The following CNTN1 variants were observed in gnomAD, a reference collection of about 807,000 sequenced individuals.
The protein encoded by CNTN1 is contactin 1.
Under a neutral mutation model 126.4 loss-of-function variants are expected in CNTN1, and 38 were observed. The ratio of observed to expected loss-of-function variants is 0.30; its 90% CI spans 0.23 to 0.39. The LOEUF is 0.39. Among genes scored for constraint, CNTN1 ranks in the 10% least tolerant of loss-of-function variants. The pLI, the probability that CNTN1 is intolerant of heterozygous loss-of-function variation, is 1.00. For missense variants in CNTN1, 1,009 were observed against 1,248.4 expected (o/e 0.81, Z 2.89); for synonymous variants, 413 against 422.6 (o/e 0.98, Z 0.28).
intron 14 of CNTN1, among the ~76,000 whole-genome samples, chr12:40,956,175 G>A (rs1946872457): frequency 6.6e-6 from 1 of 152,066 alleles, no homozygotes; most frequent in Non-Finnish European, 1.5e-5. Flanking sequence ...AATTTGACAA[G>A]TTCATTCAAA....
chr12:40,715,209 G>C (rs1942020296), intron 1 of CNTN1, among the ~76,000 whole-genome samples: 1 of 152,142 alleles, frequency 6.6e-6, no homozygotes, highest in African/African-American at 2.4e-5. Context: ...CTGGAGTGGG[G>C]CCTGATAATT....
chr12:40,805,028 A>G (rs1214587135), intron 1 of CNTN1, among the ~76,000 whole-genome samples: 1 of 151,982 alleles, frequency 6.6e-6, no homozygotes, highest in African/African-American at 2.4e-5. Context: ...TGACTTTTTA[A>G]TGTTTGTTCC....
intron 1 of CNTN1, among the ~76,000 whole-genome samples, chr12:40,787,356 G>A (rs1028283201): frequency 1.3e-5 from 2 of 152,080 alleles, no homozygotes; most frequent in Admixed American, 6.6e-5. Flanking sequence ...GCACTTTTGG[G>A]CACACGGGGA....
chr12:40,705,894 T>G (rs1374234640), intron 1 of CNTN1, among the ~76,000 whole-genome samples: 1 of 151,850 alleles, frequency 6.6e-6, no homozygotes, highest in African/African-American at 2.4e-5. Flanking sequence ...GGGGAGGTGC[T>G]GCATGCTTTA....
chr12:41,044,493 T>C (rs923710679), intron 23 of CNTN1, among the ~76,000 whole-genome samples: 1 of 152,146 alleles, frequency 6.6e-6, no homozygotes, highest in Non-Finnish European at 1.5e-5. Flanking sequence ...ATTAATGACA[T>C]AAAAATTGTA....
intron 1 of CNTN1, among the ~76,000 whole-genome samples, chr12:40,768,020 C>T (rs894259869): frequency 3.4e-5 from 5 of 147,892 alleles, no homozygotes; most frequent in African/African-American, 1.2e-4. Context: ...ACTTCTAAAG[C>T]TTATACATTT....
intron 1 of CNTN1, among the ~76,000 whole-genome samples, chr12:40,778,015 T>C (rs1457904856): frequency 6.6e-6 from 1 of 151,862 alleles, no homozygotes; most frequent in Non-Finnish European, 1.5e-5. Flanking sequence ...ATGAAAACAC[T>C]GTTGGTTTTA....
chr12:40,904,562 G>T (rs571622630), intron 1 of CNTN1, among the ~76,000 whole-genome samples: 2 of 152,106 alleles, frequency 1.3e-5, no homozygotes, highest in African/African-American at 4.8e-5. Flanking sequence ...CCAAGTAGCT[G>T]GGATTACAGG....
intron 1 of CNTN1, among the ~76,000 whole-genome samples, chr12:40,794,536 C>T (rs4406896): frequency 0.27 from 40,225 of 151,464 alleles, 5,541 homozygotes; most frequent in East Asian, 0.42. Flanking sequence ...GATATTTTAC[C>T]TAAATGATAT....
chr12:40,987,288 C>T (rs1333501547), intron 16 of CNTN1, among the ~76,000 whole-genome samples: 2 of 152,156 alleles, frequency 1.3e-5, no homozygotes, highest in Admixed American at 1.3e-4. Flanking sequence ...TTTCAGTGTT[C>T]CAAAGATTAA....
In CNTN1 at chr12:41,030,776, G is replaced by A. The variant is rs79936536; in HGVS notation, c.2980+1557G>A. Reference sequence around the variant, plus strand: ...TAATTTCTATTCCTATTATCATTGAGTATAAGTGCTTTTCTCACTGTACCA... The same window carrying A: ...TAATTTCTATTCCTATTATCATTGAATATAAGTGCTTTTCTCACTGTACCA... On this transcript the variant is annotated intron_variant, in intron 23 of 23. Transcript: ENST00000551295. 4.0e-3 allele frequency among the ~76,000 whole-genome samples: 611 copies of A among 152,128 alleles called. 7 individuals are homozygous for A. The highest frequency in any genetic ancestry group is 0.014 in the African/African-American group (578 of 41,520).
chr12:40,753,984 T>C (rs143977322), intron 1 of CNTN1, among the ~76,000 whole-genome samples: 1 of 152,168 alleles, frequency 6.6e-6, no homozygotes, highest in African/African-American at 2.4e-5. Context: ...GTTATGAAAA[T>C]CAAATTTTTT....
chr12:40,830,113 G>T (rs757506256), intron 1 of CNTN1, among the ~76,000 whole-genome samples: 5 of 152,054 alleles, frequency 3.3e-5, no homozygotes, highest in Non-Finnish European at 7.4e-5. Context: ...AAACCTCTCT[G>T]TCTTCTTTCT....
At chr12:40,767,167 T>C (rs1410126898) in intron 1 of CNTN1, among the ~76,000 whole-genome samples, 1 of 152,078 alleles carries the variant, frequency 6.6e-6, no homozygotes, top group African/African-American at 2.4e-5. Context: ...AAATTTCAAA[T>C]TTCCAATTTA....
At chr12:41,009,976 G>A (rs948320225) in intron 17 of CNTN1, among the ~76,000 whole-genome samples, 1 of 152,126 alleles carries the variant, frequency 6.6e-6, no homozygotes, top group Non-Finnish European at 1.5e-5. Flanking sequence ...GATTAAAAAA[G>A]CATGTGTCAA....
At chr12:40,958,824 C>G (rs1946994016) in intron 14 of CNTN1, among the ~76,000 whole-genome samples, 1 of 151,984 alleles carries the variant, frequency 6.6e-6, no homozygotes, top group African/African-American at 2.4e-5. Flanking sequence ...TAAGAGATAT[C>G]AATGAAATAG....
chr12:40,809,823 C>T (rs1439386144), intron 1 of CNTN1, among the ~76,000 whole-genome samples: 3 of 142,568 alleles, frequency 2.1e-5, no homozygotes, highest in African/African-American at 7.6e-5. Flanking sequence ...CTCACACACA[C>T]ACACACACAC....
intron 23 of CNTN1, among the ~76,000 whole-genome samples, chr12:41,039,353 G>A (rs576704174): frequency 4.7e-4 from 71 of 152,228 alleles, no homozygotes; most frequent in African/African-American, 1.6e-3. Context: ...TTATATTAAG[G>A]ATTTATATGG....
chr12:40,969,432 T>C (rs1947420752), intron 15 of CNTN1, among the ~76,000 whole-genome samples: 1 of 152,074 alleles, frequency 6.6e-6, no homozygotes, highest in African/African-American at 2.4e-5. Context: ...GAGAAAGAAA[T>C]GTTTAAGTAT....
Sources: gnomAD v4.1 joint callset for allele counts (sites outside exome capture counted in the v4.1 genomes callset) on GRCh38, gnomAD v4.1.1 for gene constraint, MANE v1.5 for transcripts, NCBI Gene and HGNC (gene_info 2026-07-23, HGNC 2026-07-21) for gene names.